The following SLC8A3 variants were observed in gnomAD, a reference collection of about 807,000 sequenced individuals.
SLC8A3 encodes solute carrier family 8 member A3, also known as sodium/calcium exchanger 3.
A neutral mutation model predicts 65.4 loss-of-function variants in SLC8A3; 37 were observed. That is an observed-to-expected ratio of 0.57 (90% CI 0.44 to 0.74). The LOEUF (loss-of-function observed/expected upper bound fraction) is 0.74, where lower values mean the gene tolerates loss of function less well. SLC8A3 is among the 30% of genes least tolerant of loss of function. SLC8A3 has a pLI of 0.00. For synonymous variants in SLC8A3, 461 were observed against 444.5 expected (o/e 1.04, Z -0.47); for missense variants, 1,112 against 1,172.1 (o/e 0.95, Z 0.75).
chr14:70,126,566 TCTCTCA>T lies in SLC8A3; in HGVS notation c.1784+40067_1784+40072del, dbSNP rs1283836866. Among the ~76,000 whole-genome samples the T allele has an allele frequency of 3.9e-3, 414 of 107,206 alleles. 2 individuals are homozygous for T. The highest frequency in any genetic ancestry group is 6.3e-3 in the East Asian group (25 of 3,982). 70.3% of individuals were successfully genotyped at this position (107,206 alleles called of 152,430 possible). ...AGAAAATTCTCTCTCTCTCTCTCTC[TCTCTCA>T]CACACACACACACACACACACACAC... On this transcript the variant is annotated intron_variant, in intron 2 of 6. Transcript: ENST00000356921.
chr14:70,049,016 C>G lies in SLC8A3; in HGVS notation c.2140G>C (p.Gly714Arg), dbSNP rs372999947. The G allele has an allele frequency of 6.2e-7, 1 of 1,612,470 alleles. No homozygotes were observed. The highest frequency in any genetic ancestry group is 1.3e-5 in the African/African-American group (1 of 74,912). Reference protein sequence around the residue: ...AAGDEDEDESGEERLPSCFDY... With the variant: ...AAGDEDEDESREERLPSCFDY... ...AAGCAGGAGGGCAGCCTCTCCTCCC[C>G]GGATTCATCCTCATCCTCATCCCCT... Residue 714 changes from glycine (G) to arginine (R), a missense_variant, in exon 6 of 7, where the codon GGG becomes CGG. By Grantham distance (125) the Gly-to-Arg change is moderately radical. Coordinates refer to ENST00000356921, the MANE Select transcript of SLC8A3 (RefSeq NM_182932.3).
chr14:70,055,658 T>C (rs1594897040), intron 3 of SLC8A3: 1 of 660,310 alleles, frequency 1.5e-6, no homozygotes, highest in East Asian at 2.9e-5. Context: ...AAAATAAATC[T>C]CCCAGTCCTT....
intron 2 of SLC8A3, among the ~76,000 whole-genome samples, chr14:70,165,368 C>T (rs932991898): frequency 1.3e-5 from 2 of 152,168 alleles, no homozygotes; most frequent in Non-Finnish European, 2.9e-5. Context: ...TCCCTAGCTT[C>T]TATGGCTCCC....
chr14:70,142,380 T>C (rs1373128163), intron 2 of SLC8A3, among the ~76,000 whole-genome samples: 1 of 152,196 alleles, frequency 6.6e-6, no homozygotes, highest in East Asian at 1.9e-4. Context: ...GAACCACTAT[T>C]GAAATAGTCA....
At position 70,107,562 on chromosome 14, in the gene SLC8A3, A is replaced by G. The variant is rs191056315; in HGVS notation, c.1785-46623T>C. Among the ~76,000 whole-genome samples, 141 of 152,250 alleles carry G rather than the reference A, an allele frequency of 9.3e-4. 2 individuals carry two copies. The highest frequency in any genetic ancestry group is 3.3e-3 in the African/African-American group (138 of 41,498). On this transcript the variant is annotated intron_variant, in intron 2 of 6. Coordinates refer to ENST00000356921, the MANE Select transcript of SLC8A3 (RefSeq NM_182932.3). Reference sequence around the variant, plus strand: ...CAGCCTCTTGATTTGTAGAGATGCTACAGTAGATTAATTCATGCGAATACC... The same window carrying G: ...CAGCCTCTTGATTTGTAGAGATGCTGCAGTAGATTAATTCATGCGAATACC...
chr14:70,145,952 G>C (rs1340465639), intron 2 of SLC8A3, among the ~76,000 whole-genome samples: 1 of 141,218 alleles, frequency 7.1e-6, no homozygotes, highest in Non-Finnish European at 1.6e-5. Flanking sequence ...AGGAAGGAAG[G>C]AAAAGAGGGA....
At chr14:70,137,538 A>T (rs1895286250) in intron 2 of SLC8A3, among the ~76,000 whole-genome samples, 1 of 152,200 alleles carries the variant, frequency 6.6e-6, no homozygotes, top group Non-Finnish European at 1.5e-5. Context: ...AAAATGAGCA[A>T]CAATTTCCTA....
In SLC8A3 at chr14:70,044,592, C is replaced by T. The variant is rs895217044; in HGVS notation, c.*1355G>A. ...CCAAGGGATTATGACAACTAAGATT[C>T]CTCTTACTGGAGCAAGAACTACCCC... On this transcript the variant is annotated 3_prime_UTR_variant, in exon 7 of 7. Transcript: ENST00000356921. 7 of 152,042 alleles carry T rather than the reference C, an allele frequency of 4.6e-5. No homozygotes were observed. The highest frequency in any genetic ancestry group is 1.7e-4 in the African/African-American group (7 of 41,390). The allele number at this position is 152,042 out of a possible 1,614,324, so 9.4% of individuals were successfully genotyped here.
intron 1 of SLC8A3, among the ~76,000 whole-genome samples, chr14:70,173,983 C>T (rs1271649174): frequency 6.6e-6 from 1 of 152,218 alleles, no homozygotes; most frequent in African/African-American, 2.4e-5. Flanking sequence ...TGTTTTGAAT[C>T]TTCACAATGA....
intron 2 of SLC8A3, among the ~76,000 whole-genome samples, chr14:70,144,315 T>TTG (rs796825516): frequency 1.1e-4 from 15 of 140,722 alleles, no homozygotes; most frequent in African/African-American, 3.7e-4. Context: ...CCTGTTTTTT[T>TTG]TTTTTTTTTT....
intron 2 of SLC8A3, among the ~76,000 whole-genome samples, chr14:70,088,234 C>T (rs1170128462): frequency 1.3e-5 from 2 of 152,230 alleles, no homozygotes; most frequent in African/African-American, 4.8e-5. Flanking sequence ...ATGAGATATA[C>T]ATCTGTTTGG....
intron 3 of SLC8A3, among the ~76,000 whole-genome samples, chr14:70,056,298 A>C (rs1038087996): frequency 6.6e-6 from 1 of 152,200 alleles, no homozygotes; most frequent in South Asian, 2.1e-4. Context: ...AATGGGTAGC[A>C]TTGTGCAAGA....
intron 2 of SLC8A3, among the ~76,000 whole-genome samples, chr14:70,097,598 G>C (rs1336637874): frequency 6.6e-6 from 1 of 152,160 alleles, no homozygotes; most frequent in Admixed American, 6.5e-5. Context: ...CATAGAATTA[G>C]GGAAAATGAG....
At chr14:70,148,174 C>T (rs1896051496) in intron 2 of SLC8A3, among the ~76,000 whole-genome samples, 2 of 152,186 alleles carry the variant, frequency 1.3e-5, no homozygotes, top group South Asian at 4.1e-4. Flanking sequence ...TTTTTGTCCA[C>T]TTGTAGACGA....
intron 6 of SLC8A3, chr14:70,047,810 C>T (rs1430459734): frequency 6.6e-6 from 1 of 152,250 alleles, no homozygotes; most frequent in Non-Finnish European, 1.5e-5. Flanking sequence ...CCCAAAGCCC[C>T]TAACTGAATT....
intron 2 of SLC8A3, among the ~76,000 whole-genome samples, chr14:70,100,646 T>G (rs1277374792): frequency 3.3e-5 from 5 of 152,196 alleles, no homozygotes; most frequent in African/African-American, 9.7e-5. Context: ...TCACTGATAT[T>G]TATTAAGGGC....
At chr14:70,118,715 T>C (rs902006192) in intron 2 of SLC8A3, among the ~76,000 whole-genome samples, 1 of 152,206 alleles carries the variant, frequency 6.6e-6, no homozygotes, top group African/African-American at 2.4e-5. Flanking sequence ...AAGAGGCCTT[T>C]GAAGCATCTC....
intron 2 of SLC8A3, among the ~76,000 whole-genome samples, chr14:70,148,183 G>A (rs1438210100): frequency 6.6e-6 from 1 of 152,114 alleles, no homozygotes; most frequent in Non-Finnish European, 1.5e-5. Context: ...ACTTGTAGAC[G>A]AATATAAGTC....
chr14:70,094,921 C>G (rs1233716223), intron 2 of SLC8A3, among the ~76,000 whole-genome samples: 2 of 152,220 alleles, frequency 1.3e-5, no homozygotes, highest in African/African-American at 2.4e-5. Context: ...ATGAAGCAGA[C>G]AGCAGCAGTA....
Sources: allele counts gnomAD v4.1 joint callset (sites outside exome capture counted in the v4.1 genomes callset), GRCh38; gene constraint gnomAD v4.1.1; transcripts MANE v1.5; gene names NCBI Gene and HGNC (gene_info 2026-07-23, HGNC 2026-07-21).